C1RL: variants seen among roughly 807,000 people sequenced by gnomAD.
The protein encoded by C1RL is complement C1r subcomponent-like protein.
Under a neutral mutation model 27.9 loss-of-function variants are expected in C1RL, and 27 were observed. The ratio of observed to expected loss-of-function variants is 0.97; its 90% confidence interval spans 0.71 to 1.33. C1RL has a LOEUF of 1.33. Ranked by LOEUF, C1RL falls within the 40% of genes most tolerant of loss-of-function variation. The probability of loss-of-function intolerance (pLI) is 0.00; values close to 1 mark genes in which losing one functional copy is unlikely to be tolerated. For synonymous variants in C1RL, 248 were observed against 252.1 expected (o/e 0.98, Z 0.15); for missense variants, 563 against 623.9 (o/e 0.90, Z 1.04).
Position 7,099,688 on chromosome 12 carries a change from G to A in C1RL, c.689C>T (p.Pro230Leu). 6.4e-7 allele frequency: 1 copy of A among 1,553,014 alleles called. No individual in the cohort carries two copies. The highest frequency in any genetic ancestry group is 8.7e-7 in the Non-Finnish European group (1 of 1,147,578). ...GGTGCTAGCAGGTGGCTACTCACCA[G>A]GCATACACTGAAGAACCTCCTCCCC... ...QDGEEVLQCM[P>L]VCGRPVTPIA... The change falls in exon 5 of 6, where the codon CCT becomes CTT. Residue 230 changes from proline (P) to leucine (L), a missense_variant and splice_region_variant. Coordinates refer to ENST00000266542, the MANE Select transcript of C1RL (RefSeq NM_016546.4).
intron 2 of C1RL, 157 bp downstream of exon 2, chr12:7,108,094 G>C (rs1408980609): frequency 7.0e-6 from 4 of 568,430 alleles, no homozygotes; most frequent in Admixed American, 3.6e-5. Flanking sequence ...TGTGTCCTGG[G>C]GTCCACCACT....
At chr12:7,107,260 C>G in intron 2 of C1RL, among the ~76,000 whole-genome samples, 1 of 151,988 alleles carries the variant, frequency 6.6e-6, no homozygotes, top group East Asian at 1.9e-4. Context: ...CCTCTACCTT[C>G]CAGGCTCAAG....
At chr12:7,101,077 C>CCCTT (rs1938603539) in intron 3 of C1RL, among the ~76,000 whole-genome samples, 1 of 149,974 alleles carries the variant, frequency 6.7e-6, no homozygotes, top group Non-Finnish European at 1.5e-5. Flanking sequence ...TCCTTCCTTT[C>CCCTT]CTTCCTTCCT....
At chr12:7,099,625 T>G (rs1260128088) in intron 5 of C1RL, 61 bp downstream of exon 5, 3 of 1,544,414 alleles carry the variant, frequency 1.9e-6, no homozygotes, top group African/African-American at 1.4e-5. Context: ...CCCTGTGTCC[T>G]GTAGGTCCCA....
Position 7,096,220 on chromosome 12 carries a change from G to T in C1RL, c.*171C>A. On this transcript the variant is annotated 3_prime_UTR_variant, in exon 6 of 6. Transcript: ENST00000266542. Reference sequence around the variant, plus strand: ...TGTCTGGGATGGGGCGGGCTTGCCGGGTGGGGGTTTCTCTTGCAGTGGCTT... The same window carrying T: ...TGTCTGGGATGGGGCGGGCTTGCCGTGTGGGGGTTTCTCTTGCAGTGGCTT... The T allele has an allele frequency of 7.2e-7, 1 of 1,390,466 alleles. No individual in the cohort carries two copies. Among genetic ancestry groups the T allele is most frequent in the South Asian group, 1.7e-5 (1 of 59,112 alleles). 86.1% of individuals were successfully genotyped at this position (1,390,466 alleles called of 1,614,324 possible).
chr12:7,101,804 G>C (rs754271629), intron 3 of C1RL, 94 bp downstream of exon 3: 6 of 1,338,190 alleles, frequency 4.5e-6, no homozygotes, highest in South Asian at 1.2e-5. Context: ...CCCAGCCTCA[G>C]CTGTCACTCA....
intron 5 of C1RL, chr12:7,099,282 T>A (rs1938544148): frequency 6.1e-6 from 1 of 164,546 alleles, no homozygotes; most frequent in East Asian, 1.9e-4. Flanking sequence ...GCCATGAATT[T>A]TATCTCAATA....
intron 2 of C1RL, among the ~76,000 whole-genome samples, chr12:7,106,054 T>C (rs976698834): frequency 6.6e-6 from 1 of 152,138 alleles, no homozygotes; most frequent in Non-Finnish European, 1.5e-5. Context: ...AAGGACTAGA[T>C]TAAAAGAGGC....
chr12:7,109,146 C>T lies in C1RL; in HGVS notation c.35G>A (p.Trp12Ter), dbSNP rs1371092797. 1.2e-6 allele frequency: 2 copies of T among 1,601,496 alleles called. No homozygotes were observed. Among genetic ancestry groups the T allele is most frequent in the Non-Finnish European group, 1.7e-6 (2 of 1,173,722 alleles). Residue 12 changes from tryptophan to a stop codon, truncating the protein, a stop_gained, in exon 1 of 6, where the codon TGG becomes TAG. Coordinates refer to ENST00000266542, the MANE Select transcript of C1RL (RefSeq NM_016546.4). LOFTEE classifies it high-confidence loss of function. ...ACAGCCTTTGGAGTGAGGGCTTCTC[C>T]AGAGATATTTCCCCCACACTCTGGG... is the stretch of plus-strand genomic sequence containing the variant. ...PGPRVWGKYL[W>*]RSPHSKGCPG...
intron 1 of C1RL, 186 bp downstream of exon 1, chr12:7,108,924 G>GTGCTGCTGC (rs113832615): frequency 8.7e-5 from 51 of 586,210 alleles, no homozygotes; most frequent in African/African-American, 4.3e-4. Context: ...AATATCTGCT[G>GTGCTGCTGC]TGCTGCTGCT....
chr12:7,097,632 CA>C (rs1470322283), intron 5 of C1RL, among the ~76,000 whole-genome samples: 8 of 152,190 alleles, frequency 5.3e-5, no homozygotes, highest in African/African-American at 1.9e-4. Flanking sequence ...ACCATGTGGG[CA>C]GACAAGGACA....
chr12:7,094,697 A>T lies in C1RL; in HGVS notation c.*1694T>A. On this transcript the variant is annotated 3_prime_UTR_variant, in exon 6 of 6. Transcript: ENST00000266542. ...AATAGAGAATAGTGGAAAACCAAAC[A>T]GCCAAAATCTTATCAATAAAACCAC... 1.0e-6 allele frequency: 1 copy of T among 981,578 alleles called. No individual in the cohort carries two copies. The highest frequency in any genetic ancestry group is 1.2e-6 in the Non-Finnish European group (1 of 826,392). The allele number at this position is 981,578 out of a possible 1,614,324, so 60.8% of individuals were successfully genotyped here.
intron 3 of C1RL, among the ~76,000 whole-genome samples, chr12:7,101,116 TCCC>T (rs1565636813): frequency 0.04 from 269 of 6,742 alleles, no homozygotes; most frequent in Non-Finnish European, 0.045. Context: ...CTTCCCTCCC[TCCC>T]TCCCTCCTTC....
chr12:7,096,623 C>T lies in C1RL; in HGVS notation c.1232G>A (p.Arg411Lys), dbSNP rs1938438624. Reference protein sequence around the residue: ...ACNAWLQKRQRPEVFSDNMFC... With the variant: ...ACNAWLQKRQKPEVFSDNMFC... ...CATATTGTCAGAAAACACCTCGGGT[C>T]TCTGTCTCTTTTGGAGCCAGGCGTT... Residue 411 changes from arginine (R) to lysine (K), a missense_variant, in exon 6 of 6, where the codon AGA becomes AAA. Transcript: ENST00000266542. The T allele has an allele frequency of 1.2e-6, 2 of 1,614,168 alleles. No homozygotes were observed. The highest frequency in any genetic ancestry group is 1.7e-6 in the Non-Finnish European group (2 of 1,180,028).
Position 7,094,611 on chromosome 12 carries a change from A to C in C1RL, c.*1780T>G. 1.0e-6 allele frequency: 1 copy of C among 958,624 alleles called. No homozygotes were observed. The highest frequency in any genetic ancestry group is 1.2e-6 in the Non-Finnish European group (1 of 805,594). 59.4% of individuals were successfully genotyped at this position (958,624 alleles called of 1,614,324 possible). A position where few individuals can be genotyped will look rare whatever the true frequency, so the allele number is the denominator to read the frequency against. Reference sequence around the variant, plus strand: ...GGGAGAAACTCATATCATTTTTTGCAATCATAAAAATAAGCAAAATAAAAT... The same window carrying C: ...GGGAGAAACTCATATCATTTTTTGCCATCATAAAAATAAGCAAAATAAAAT... On this transcript the variant is annotated 3_prime_UTR_variant, in exon 6 of 6. Coordinates refer to ENST00000266542, the MANE Select transcript of C1RL (RefSeq NM_016546.4).
At position 7,100,521 on chromosome 12, in the gene C1RL, C is replaced by T. The variant is rs923520538; in HGVS notation, c.491-495G>A. Among the ~76,000 whole-genome samples the T allele has an allele frequency of 2.0e-5, 3 of 152,154 alleles. No individual in the cohort carries two copies. In the East Asian group the frequency reaches 5.8e-4, roughly 29 times the overall value. ...TTAAAAATAATGAGTTCGCCAGGTG[C>T]GGTGGCTCACGGCTGTAATCCTAGC... On this transcript the variant is annotated intron_variant, in intron 3 of 5. Coordinates refer to ENST00000266542, the MANE Select transcript of C1RL (RefSeq NM_016546.4).
At position 7,104,427 on chromosome 12, in the gene C1RL, G is replaced by A. The variant is rs1202188512; in HGVS notation, c.301-2340C>T. Among the ~76,000 whole-genome samples the A allele has an allele frequency of 5.3e-5, 8 of 152,220 alleles. No homozygotes were observed. In the East Asian group the frequency reaches 1.3e-3, roughly 26 times the overall value. The stretch of plus-strand genomic sequence containing the variant: ...ATCGTCGTTTCATTATGACGTTGAC[G>A]AGAAAAAATATTGCCCCGTGTCCGG... On this transcript the variant is annotated intron_variant, in intron 2 of 5. Coordinates refer to ENST00000266542, the MANE Select transcript of C1RL (RefSeq NM_016546.4). The surrounding 1 kb of genome is among the most constrained non-coding windows in gnomAD (Gnocchi z 5.4).
chr12:7,108,850 A>T (rs1938846232), intron 1 of C1RL: 1 of 546,942 alleles, frequency 1.8e-6, no homozygotes, highest in African/African-American at 1.9e-5. Context: ...TCTGCCGTAA[A>T]TATCCCCCGA....
chr12:7,108,448 C>T lies in C1RL; in HGVS notation c.103G>A (p.Ala35Thr). Residue 35 changes from alanine (A) to threonine (T), a missense_variant, in exon 2 of 6, where the codon GCT becomes ACT. Ala to Thr is a moderately conservative substitution (Grantham distance 58, BLOSUM62 0). Transcript: ENST00000266542. Reference sequence around the variant, plus strand: ...AGGACGGAGCCCCGGGTTGGGCAAGCCTGGAGGACTCCCCAGAGAAGCAGC... The same window carrying T: ...AGGACGGAGCCCCGGGTTGGGCAAGTCTGGAGGACTCCCCAGAGAAGCAGC... ...WWLLLWGVLQ[A>T]CPTRGSVLLA... 6.2e-7 allele frequency: 1 copy of T among 1,609,180 alleles called. No homozygotes were observed. Among genetic ancestry groups the T allele is most frequent in the South Asian group, 1.1e-5 (1 of 90,506 alleles).
Sources: gnomAD v4.1 joint callset for allele counts (sites outside exome capture counted in the v4.1 genomes callset) on GRCh38, gnomAD v4.1.1 for gene constraint, Gnocchi (gnomAD v3.1) non-coding constraint, MANE v1.5 for transcripts, NCBI Gene and HGNC (gene_info 2026-07-23, HGNC 2026-07-21) for gene names.